GSPT1: variants seen among roughly 807,000 people sequenced by gnomAD.
The protein encoded by GSPT1 is G1 to S phase transition 1.
GSPT1 carries 20 observed loss-of-function variants against 72.5 expected under a neutral mutation model. The ratio of observed to expected loss-of-function variants is 0.28; its 90% confidence interval spans 0.19 to 0.40. The LOEUF is 0.40. Among genes scored for constraint, GSPT1 ranks in the 10% least tolerant of loss-of-function variants. The probability of loss-of-function intolerance (pLI) is 1.00; values close to 1 mark genes in which losing one functional copy is unlikely to be tolerated. For missense variants in GSPT1, 580 were observed against 811.9 expected (o/e 0.71, Z 3.47); for synonymous variants, 334 against 293.5 (o/e 1.14, Z -1.41).
In GSPT1 at chr16:11,873,013, A is replaced by G; in HGVS notation, c.*106T>C. The G allele has an allele frequency of 3.0e-6, 2 of 659,810 alleles. No homozygotes were observed. Among genetic ancestry groups the G allele is most frequent in the Non-Finnish European group, 5.5e-6 (2 of 363,434 alleles). The allele number at this position is 659,810 out of a possible 1,614,324, so 40.9% of individuals were successfully genotyped here. On this transcript the variant is annotated 3_prime_UTR_variant, in exon 15 of 15. Transcript: ENST00000434724. ...GCTGTGAATTTCCTCTTTGCAAAAT[A>G]TGGGGAGAGGTTTATCAATGGGCAG... is the stretch of plus-strand genomic sequence containing the variant.
Position 11,868,988 on chromosome 16 carries a change from T to C in GSPT1, c.*4131A>G, listed in dbSNP as rs907979156. 1 of 152,206 alleles carries C rather than the reference T, an allele frequency of 6.6e-6. No homozygotes were observed. Among genetic ancestry groups the C allele is most frequent in the Non-Finnish European group, 1.5e-5 (1 of 68,044 alleles). The allele number at this position is 152,206 out of a possible 1,614,324, so 9.4% of individuals were successfully genotyped here. On this transcript the variant is annotated 3_prime_UTR_variant, in exon 15 of 15. Transcript: ENST00000434724. Reference sequence around the variant, plus strand: ...TTAGTAAACAACTCAGCTAGCATTATTGTTTCAAGGAAGCATAGGATTAGA... The same window carrying C: ...TTAGTAAACAACTCAGCTAGCATTACTGTTTCAAGGAAGCATAGGATTAGA...
At chr16:11,899,156 T>C (rs1197446778) in intron 1 of GSPT1, among the ~76,000 whole-genome samples, 1 of 152,196 alleles carries the variant, frequency 6.6e-6, no homozygotes, top group African/African-American at 2.4e-5. Flanking sequence ...ATATGAATCA[T>C]GCACAGCAAG....
At chr16:11,876,638 G>A (rs1478323315) in intron 12 of GSPT1, among the ~76,000 whole-genome samples, 1 of 152,122 alleles carries the variant, frequency 6.6e-6, no homozygotes, top group Non-Finnish European at 1.5e-5. Flanking sequence ...AGCTACTCAG[G>A]AGGCTGAGGC....
chr16:11,916,082 C>T (rs945162900), upstream of GSPT1: 10 of 520,030 alleles, frequency 1.9e-5, no homozygotes, highest in Admixed American at 1.9e-4. Flanking sequence ...CCCCCGTTTC[C>T]GGCTATTTAG....
Position 11,875,773 on chromosome 16 carries a change from A to C in GSPT1, c.1849T>G (p.Leu617Val). 6.2e-7 allele frequency: 1 copy of C among 1,606,184 alleles called. No individual in the cohort carries two copies. Among genetic ancestry groups the C allele is most frequent in the Non-Finnish European group, 8.5e-7 (1 of 1,178,168 alleles). Residue 617 changes from leucine (L) to valine (V), a missense_variant, in exon 14 of 15, where the codon TTA becomes GTA. Coordinates refer to ENST00000434724, the MANE Select transcript of GSPT1 (RefSeq NM_002094.4). Reference protein sequence around the residue: ...KDFPQMGRFTLRDEGKTIAIG... With the variant: ...KDFPQMGRFTVRDEGKTIAIG... ...TAAAAGCTCTTACCCTCATCTCTTA[A>C]GGTGAAACGACCCATCTGAGGGAAG...
intron 4 of GSPT1, among the ~76,000 whole-genome samples, chr16:11,895,875 T>C (rs982452176): frequency 4.6e-5 from 7 of 152,248 alleles, no homozygotes; most frequent in Non-Finnish European, 1.0e-4. Flanking sequence ...TGTGCCCGCC[T>C]TGGCCTCCCA....
chr16:11,893,120 C>T (rs1009786790), intron 5 of GSPT1, among the ~76,000 whole-genome samples: 6 of 151,160 alleles, frequency 4.0e-5, no homozygotes, highest in South Asian at 4.2e-4. Context: ...ATAAGGTGGG[C>T]ATGGTGGTGC....
At position 11,868,658 on chromosome 16, in the gene GSPT1, TAACAA is replaced by T. The variant is rs2053945884; in HGVS notation, c.*4456_*4460del. On this transcript the variant is annotated 3_prime_UTR_variant, in exon 15 of 15. Transcript: ENST00000434724. ...TTCCCTGGGCAGCAGGAAAAGGAGGTAACAAGGACTTGGGCTGACATCTGAAGCAC... is the reference window on the plus strand; with the variant it reads ...TTCCCTGGGCAGCAGGAAAAGGAGGTGGACTTGGGCTGACATCTGAAGCAC... 1 of 152,100 alleles carries T rather than the reference TAACAA, an allele frequency of 6.6e-6. No homozygotes were observed. The highest frequency in any genetic ancestry group is 1.5e-5 in the Non-Finnish European group (1 of 68,050). 9.4% of individuals were successfully genotyped at this position (152,100 alleles called of 1,614,324 possible). A position where few individuals can be genotyped will look rare whatever the true frequency, so the allele number is the denominator to read the frequency against.
chr16:11,894,503 G>A (rs1428189001), intron 5 of GSPT1, among the ~76,000 whole-genome samples: 1 of 152,136 alleles, frequency 6.6e-6, no homozygotes, highest in Non-Finnish European at 1.5e-5. Flanking sequence ...AGAGCTGGTT[G>A]TCATTATTCC....
intron 3 of GSPT1, 127 bp from the exon 4 acceptor site, chr16:11,896,912 C>T: frequency 1.5e-6 from 1 of 661,026 alleles, no homozygotes; most frequent in Non-Finnish European, 2.6e-6. Flanking sequence ...CCTAGTGACA[C>T]ATAAGCAGGA....
intron 1 of GSPT1, among the ~76,000 whole-genome samples, chr16:11,909,330 A>C (rs1184823048): frequency 6.6e-6 from 1 of 152,210 alleles, no homozygotes; most frequent in African/African-American, 2.4e-5. Flanking sequence ...TCACTTTGTT[A>C]AACTCTACTG....
At position 11,872,024 on chromosome 16, in the gene GSPT1, C is replaced by G. The variant is rs1477017750; in HGVS notation, c.*1095G>C. On this transcript the variant is annotated 3_prime_UTR_variant, in exon 15 of 15. Coordinates refer to ENST00000434724, the MANE Select transcript of GSPT1 (RefSeq NM_002094.4). ...TTAGTCTGTTCAGATTCTGATGATT[C>G]TAAATATTTTCATTTAGTTGCTAGG... The G allele has an allele frequency of 6.6e-6, 1 of 152,128 alleles. No homozygotes were observed. The highest frequency in any genetic ancestry group is 1.5e-5 in the Non-Finnish European group (1 of 68,030). 9.4% of individuals were successfully genotyped at this position (152,128 alleles called of 1,614,324 possible). A position where few individuals can be genotyped will look rare whatever the true frequency, so the allele number is the denominator to read the frequency against.
At chr16:11,873,885 G>C (rs567456645) in intron 14 of GSPT1, among the ~76,000 whole-genome samples, 4 of 152,096 alleles carry the variant, frequency 2.6e-5, no homozygotes, top group Non-Finnish European at 5.9e-5. Context: ...CACCACACTG[G>C]GCCAAAAAAC....
intron 14 of GSPT1, 86 bp downstream of exon 14, chr16:11,875,675 G>T: frequency 2.3e-6 from 2 of 888,534 alleles, no homozygotes; most frequent in Non-Finnish European, 3.4e-6. Flanking sequence ...TGAACCTGTT[G>T]CAATGTGTAC....
In GSPT1 at chr16:11,875,715, T is replaced by C. The variant is rs752036346; in HGVS notation, c.1861+46A>G. On this transcript the variant is annotated intron_variant, in intron 14 of 14. Transcript: ENST00000434724. ...CTGAGATGATGAAGATGACCAAAGC[T>C]AGGTATCCTGGATATACTACTAGAC... The C allele has an allele frequency of 2.8e-6, 4 of 1,406,026 alleles. No homozygotes were observed. The South Asian group carries it at 3.8e-5, about 13-fold the overall frequency. The allele number at this position is 1,406,026 out of a possible 1,614,324, so 87.1% of individuals were successfully genotyped here.
intron 6 of GSPT1, among the ~76,000 whole-genome samples, chr16:11,888,836 G>A (rs1452860657): frequency 6.6e-6 from 1 of 152,066 alleles, no homozygotes; most frequent in Non-Finnish European, 1.5e-5. Flanking sequence ...TTATATAAAC[G>A]CAGTCAATTA....
Position 11,872,790 on chromosome 16 carries a change from G to T in GSPT1, c.*329C>A. The T allele has an allele frequency of 4.4e-6, 1 of 229,418 alleles. No homozygotes were observed. The allele number at this position is 229,418 out of a possible 1,614,324, so 14.2% of individuals were successfully genotyped here. A position where few individuals can be genotyped will look rare whatever the true frequency, so the allele number is the denominator to read the frequency against. On this transcript the variant is annotated 3_prime_UTR_variant, in exon 15 of 15. Transcript: ENST00000434724. The stretch of plus-strand genomic sequence containing the variant: ...GAAAAATACTAAATATGCCTAAGGG[G>T]AAAATGAAAAATAAAAAAATTCCTG...
intron 1 of GSPT1, among the ~76,000 whole-genome samples, chr16:11,902,404 C>CAAAAA (rs775362322): frequency 8.1e-5 from 5 of 61,566 alleles, no homozygotes; most frequent in Admixed American, 2.0e-4. Context: ...GACTCTGTCT[C>CAAAAA]AAAAAAAAAA....
At position 11,869,112 on chromosome 16, in the gene GSPT1, CA is replaced by C. The variant is rs1240671640; in HGVS notation, c.*4006del. On this transcript the variant is annotated 3_prime_UTR_variant, in exon 15 of 15. Transcript: ENST00000434724. ...AGCCAAAAACCACCAAAAGTTGAAC[CA>C]AATCTACCTGAACTGAACTGATAGT... 6.6e-6 allele frequency: 1 copy of C among 152,120 alleles called. No individual in the cohort carries two copies. Among genetic ancestry groups the C allele is most frequent in the Non-Finnish European group, 1.5e-5 (1 of 68,028 alleles). 9.4% of individuals were successfully genotyped at this position (152,120 alleles called of 1,614,324 possible).
Sources: allele counts gnomAD v4.1 joint callset (sites outside exome capture counted in the v4.1 genomes callset), GRCh38; gene constraint gnomAD v4.1.1; transcripts MANE v1.5; gene names NCBI Gene and HGNC (gene_info 2026-07-23, HGNC 2026-07-21).